ARHGAP1: variants seen among roughly 807,000 people sequenced by gnomAD.
The protein encoded by ARHGAP1 is Rho GTPase activating protein 1.
A neutral mutation model predicts 52.2 loss-of-function variants in ARHGAP1; 23 were observed. The observed-to-expected ratio is 0.44, with a 90% CI of 0.32 to 0.62. ARHGAP1 has a LOEUF of 0.62. ARHGAP1 is among the 20% of genes least tolerant of loss of function. The probability of loss-of-function intolerance (pLI) is 0.05; values close to 1 mark genes in which losing one functional copy is unlikely to be tolerated. For synonymous variants in ARHGAP1, 210 were observed against 228.4 expected (o/e 0.92, Z 0.73); for missense variants, 480 against 560.9 (o/e 0.86, Z 1.46).
At chr11:46,694,344 T>A (rs1321253467) in intron 3 of ARHGAP1, among the ~76,000 whole-genome samples, 6 of 151,876 alleles carry the variant, frequency 4.0e-5, no homozygotes, top group Admixed American at 1.3e-4. Flanking sequence ...GCTAGCCCCA[T>A]CTGGCCTCCA....
At chr11:46,685,518 G>T (rs144799771) in intron 4 of ARHGAP1, among the ~76,000 whole-genome samples, 3 of 151,424 alleles carry the variant, frequency 2.0e-5, no homozygotes, top group African/African-American at 7.3e-5. Context: ...GTAGAGACAG[G>T]GTTTTGCCAT....
At chr11:46,693,959 A>G (rs1182836360) in intron 3 of ARHGAP1, among the ~76,000 whole-genome samples, 1 of 152,210 alleles carries the variant, frequency 6.6e-6, no homozygotes, top group South Asian at 2.1e-4. Context: ...GACTGAGCCA[A>G]ATCTGACCCT....
rs78561418 is a variant in ARHGAP1, at chr11:46,679,622, G to T, written c.1027+26C>A. ...GCACCTGCCCCAAGTCCAGCCCCAG[G>T]CCCAACAGAAGAGATGGGGACTCAC... On this transcript the variant is annotated intron_variant, in intron 11 of 12. Transcript: ENST00000311956. This position sits in a 1 kb window ranked among gnomAD's most constrained non-coding sequence, Gnocchi z 4.4. The T allele has an allele frequency of 4.0e-4, 648 of 1,613,640 alleles. 4 individuals are homozygous for T. In the East Asian group the frequency reaches 0.013, roughly 31 times the overall value.
intron 3 of ARHGAP1, among the ~76,000 whole-genome samples, chr11:46,691,513 G>A (rs1402656141): frequency 4.0e-5 from 6 of 149,030 alleles, no homozygotes; most frequent in Non-Finnish European, 1.5e-5. Flanking sequence ...GTGCAATGGC[G>A]CGATCTCGGC....
At chr11:46,683,312 G>A (rs1275730327) in intron 4 of ARHGAP1, among the ~76,000 whole-genome samples, 1 of 151,750 alleles carries the variant, frequency 6.6e-6, no homozygotes, top group African/African-American at 2.4e-5. Flanking sequence ...CAAAGTGCTG[G>A]GAGATTACAG....
rs182312996 is a variant in ARHGAP1 at position 46,680,258 on chromosome 11, C to T, written c.845G>A (p.Arg282Gln). Residue 282 changes from arginine to glutamine, a missense_variant, in exon 10 of 13, where the codon CGG (arginine) becomes CAG (glutamine). Physicochemically the swap from Arg to Gln is conservative, Grantham distance 43. Transcript: ENST00000311956. The surrounding 1 kb of genome is among the most constrained non-coding windows in gnomAD (Gnocchi z 5.9). The part of the protein sequence containing the change: ...AHALTTEGIF[R>Q]RSANTQVVRE... ...GACCACTTGGGTGTTGGCCGACCTC[C>T]GGAAGATGCCCTCGGTGGTGAGAGC... 11 of 1,614,150 alleles carry T rather than the reference C, an allele frequency of 6.8e-6. No homozygotes were observed. In the East Asian group the frequency reaches 8.9e-5, roughly 13 times the overall value.
At chr11:46,692,921 C>A (rs967183919) in intron 3 of ARHGAP1, among the ~76,000 whole-genome samples, 33 of 151,536 alleles carry the variant, frequency 2.2e-4, no homozygotes, top group African/African-American at 8.0e-4. Context: ...GGCACGATCT[C>A]CGCTCACTGC....
Position 46,696,506 on chromosome 11 carries a change from C to T in ARHGAP1, c.-49-350G>A, listed in dbSNP as rs76765832. ...GTAGAGGGCAGAGGTCCACGCCCCT[C>T]GCCTCAGGAGACCTGGACACAGAAG... On this transcript the variant is annotated intron_variant, in intron 1 of 12. Coordinates refer to ENST00000311956, the MANE Select transcript of ARHGAP1 (RefSeq NM_004308.5). The surrounding 1 kb of genome is among the most constrained non-coding windows in gnomAD (Gnocchi z 4.8). 8.7e-4 allele frequency among the ~76,000 whole-genome samples: 132 copies of T among 152,334 alleles called. 1 individual carries two copies. Among genetic ancestry groups the T allele is most frequent in the African/African-American group, 3.1e-3 (129 of 41,564 alleles).
intron 3 of ARHGAP1, among the ~76,000 whole-genome samples, chr11:46,693,099 G>A (rs893804349): frequency 2.6e-5 from 4 of 152,042 alleles, no homozygotes; most frequent in Non-Finnish European, 5.9e-5. Flanking sequence ...TGATCCGCCC[G>A]CCTCGGCCTC....
intron 4 of ARHGAP1, 30 bp from the exon 5 acceptor site, chr11:46,682,212 C>G: frequency 6.2e-7 from 1 of 1,612,020 alleles, no homozygotes; most frequent in Non-Finnish European, 8.5e-7. Context: ...CTCAGGCCTG[C>G]CCTGTGCACA....
chr11:46,679,207 G>C lies in ARHGAP1; in HGVS notation c.1150C>G (p.Gln384Glu), dbSNP rs371098034. The C allele has an allele frequency of 2.4e-5, 39 of 1,606,010 alleles. No individual in the cohort carries two copies. The highest frequency in any genetic ancestry group is 1.5e-4 in the African/African-American group (11 of 74,774). ...FLVQISAHSDQNKMTNTNLAV... is the reference protein window; with the variant it reads ...FLVQISAHSDENKMTNTNLAV... ...AGGTTAGTGTTGGTCATCTTGTTCT[G>C]GTCACTGTGTGCAGAAATCTGTGGA... is the stretch of plus-strand genomic sequence containing the variant. Residue 384 changes from glutamine (Q) to glutamate (E), a missense_variant, in exon 13 of 13, where the codon CAG becomes GAG. Physicochemically the swap from Gln to Glu is conservative, Grantham distance 29. Transcript: ENST00000311956. This position sits in a 1 kb window ranked among gnomAD's most constrained non-coding sequence, Gnocchi z 4.4.
At chr11:46,684,135 G>A (rs1284463369) in intron 4 of ARHGAP1, among the ~76,000 whole-genome samples, 2 of 152,212 alleles carry the variant, frequency 1.3e-5, no homozygotes, top group Non-Finnish European at 2.9e-5. Context: ...GTGCCAGGCT[G>A]GGCCAGCACA....
rs1279776412 is a variant in ARHGAP1 at position 46,680,038 on chromosome 11, C to G, written c.898+167G>C. ...TATACCCAGGACCCGGGAGCCCGACCGATGAGGCAGCAGGCCTGGCAGAAG... is the reference window on the plus strand; with the variant it reads ...TATACCCAGGACCCGGGAGCCCGACGGATGAGGCAGCAGGCCTGGCAGAAG... On this transcript the variant is annotated intron_variant, in intron 10 of 12. Coordinates refer to ENST00000311956, the MANE Select transcript of ARHGAP1 (RefSeq NM_004308.5). The surrounding 1 kb of genome is among the most constrained non-coding windows in gnomAD (Gnocchi z 5.9). 6.6e-6 allele frequency among the ~76,000 whole-genome samples: 1 copy of G among 152,146 alleles called. No individual in the cohort carries two copies. Among genetic ancestry groups the G allele is most frequent in the South Asian group, 2.1e-4 (1 of 4,830 alleles).
chr11:46,680,313 G>C lies in ARHGAP1; in HGVS notation c.821-31C>G, dbSNP rs148879999. ...AAACAGTAGGGCCTGGTGAGCCTCC[G>C]AGCGCTGGGCACCGGCTGGATTCCC... is the stretch of plus-strand genomic sequence containing the variant. On this transcript the variant is annotated intron_variant, in intron 9 of 12. Coordinates refer to ENST00000311956, the MANE Select transcript of ARHGAP1 (RefSeq NM_004308.5). This position sits in a 1 kb window ranked among gnomAD's most constrained non-coding sequence, Gnocchi z 5.9. The C allele has an allele frequency of 2.1e-5, 34 of 1,610,948 alleles. No individual in the cohort carries two copies. Among genetic ancestry groups the C allele is most frequent in the Non-Finnish European group, 2.6e-5 (31 of 1,177,508 alleles).
At chr11:46,682,925 A>T (rs1373578892) in intron 4 of ARHGAP1, among the ~76,000 whole-genome samples, 3 of 151,878 alleles carry the variant, frequency 2.0e-5, no homozygotes, top group African/African-American at 7.2e-5. Context: ...ACTGAGGCTG[A>T]TGTAATCCCC....
In ARHGAP1 at chr11:46,681,648, G is replaced by A; in HGVS notation, c.450-269C>T. 5 of 421,102 alleles carry A rather than the reference G, an allele frequency of 1.2e-5. No homozygotes were observed. The highest frequency in any genetic ancestry group is 5.3e-5 in the East Asian group (1 of 18,932). 26.1% of individuals were successfully genotyped at this position (421,102 alleles called of 1,614,324 possible). On this transcript the variant is annotated intron_variant, in intron 5 of 12. Transcript: ENST00000311956. The surrounding 1 kb of genome is among the most constrained non-coding windows in gnomAD (Gnocchi z 5.7). ...AGGGTTTCACCATGTTGGCCAGGCT[G>A]GTCTGGAACTCCTGACCTCAAGTGA...
rs2064507611 is a variant in ARHGAP1, at chr11:46,679,567, G to A, written c.1027+81C>T. ...GGGGAGACCCCCAGCAGTCTTCCCT[G>A]GGAGGCGCCTAGGCCCGAAAGCCTG... On this transcript the variant is annotated intron_variant, in intron 11 of 12. Transcript: ENST00000311956. The surrounding 1 kb of genome is among the most constrained non-coding windows in gnomAD (Gnocchi z 4.4). The A allele has an allele frequency of 1.2e-6, 2 of 1,607,612 alleles. No homozygotes were observed. The highest frequency in any genetic ancestry group is 1.7e-5 in the Admixed American group (1 of 59,620).
intron 3 of ARHGAP1, among the ~76,000 whole-genome samples, chr11:46,691,091 T>C (rs2064611034): frequency 6.6e-6 from 1 of 152,128 alleles, no homozygotes; most frequent in South Asian, 2.1e-4. Flanking sequence ...TCTTGTTATG[T>C]TGCCCAGGCT....
At chr11:46,688,130 G>A in intron 4 of ARHGAP1, 43 bp downstream of exon 4, 2 of 1,578,266 alleles carry the variant, frequency 1.3e-6, no homozygotes. Flanking sequence ...GCTACAATGG[G>A]GATCTGGGCA....
Sources: gnomAD v4.1 joint callset for allele counts (sites outside exome capture counted in the v4.1 genomes callset) on GRCh38, gnomAD v4.1.1 for gene constraint, Gnocchi (gnomAD v3.1) non-coding constraint, MANE v1.5 for transcripts, NCBI Gene and HGNC (gene_info 2026-07-23, HGNC 2026-07-21) for gene names.